The following MACROD2 variants were observed in gnomAD, a reference collection of about 807,000 sequenced individuals.
The protein encoded by MACROD2 is mono-ADP ribosylhydrolase 2, also known as ADP-ribose glycohydrolase MACROD2.
MACROD2 carries 36 observed loss-of-function variants against 70.4 expected under a neutral mutation model. The observed-to-expected ratio is 0.51, with a 90% CI of 0.39 to 0.68. The LOEUF is 0.68. MACROD2 is among the 30% of genes least tolerant of loss of function. The pLI is 0.00. For synonymous variants in MACROD2, 172 were observed against 178.8 expected, an observed-to-expected ratio of 0.96 and a Z score of 0.30; for missense variants, 496 against 538.4, an observed-to-expected ratio of 0.92 and a Z score of 0.78.
chr20:14,327,991 A>G (rs1279394296), intron 3 of MACROD2, among the ~76,000 whole-genome samples: 5 of 152,060 alleles, frequency 3.3e-5, no homozygotes, highest in African/African-American at 1.2e-4. Flanking sequence ...TGTTATCAAA[A>G]AACCACACAT....
In MACROD2 at chr20:14,321,119, C is replaced by T. The variant is rs548579622; in HGVS notation, c.272-172360C>T. ...GTGGCTCACGCTTGTAATCCCAGCA[C>T]TTTGGGAGGCTGAGGTGGGTGGATC... On this transcript the variant is annotated intron_variant, in intron 3 of 17. Coordinates refer to ENST00000684519, the MANE Select transcript of MACROD2 (RefSeq NM_001351661.2). Among the ~76,000 whole-genome samples, 62 of 152,122 alleles carry T rather than the reference C, an allele frequency of 4.1e-4. 1 individual carries two copies. In the South Asian group the frequency reaches 0.012, roughly 30 times the overall value.
intron 6 of MACROD2, among the ~76,000 whole-genome samples, chr20:15,409,281 ACTT>A (rs2046045556): frequency 6.6e-6 from 1 of 152,144 alleles, no homozygotes; most frequent in Non-Finnish European, 1.5e-5. Context: ...TGACTACTCT[ACTT>A]CTTTGCCTTA....
intron 5 of MACROD2, among the ~76,000 whole-genome samples, chr20:14,793,838 GA>G (rs1489803839): frequency 6.6e-6 from 1 of 152,064 alleles, no homozygotes; most frequent in Non-Finnish European, 1.5e-5. Context: ...AAAAACAGTA[GA>G]AGATAGAAGA....
At chr20:15,749,645 T>G (rs1461242746) in intron 8 of MACROD2, among the ~76,000 whole-genome samples, 1 of 152,090 alleles carries the variant, frequency 6.6e-6, no homozygotes, top group African/African-American at 2.4e-5. Flanking sequence ...ATATAAACTT[T>G]CCCTGAAGGC....
intron 8 of MACROD2, among the ~76,000 whole-genome samples, chr20:15,542,478 C>T (rs565107281): frequency 6.6e-6 from 1 of 152,202 alleles, no homozygotes; most frequent in East Asian, 1.9e-4. Flanking sequence ...CCATAATAGC[C>T]ATCGATATTG....
intron 3 of MACROD2, among the ~76,000 whole-genome samples, chr20:14,379,953 G>T (rs1344013963): frequency 1.3e-5 from 2 of 151,958 alleles, no homozygotes; most frequent in Admixed American, 6.6e-5. Flanking sequence ...AATTCCTTTG[G>T]ATCTGTACCT....
chr20:15,811,039 T>C (rs2147087016), intron 8 of MACROD2, among the ~76,000 whole-genome samples: 1 of 150,702 alleles, frequency 6.6e-6, no homozygotes, highest in South Asian at 2.1e-4. Flanking sequence ...AAGGACTTCA[T>C]GTCTAAAACA....
intron 5 of MACROD2, among the ~76,000 whole-genome samples, chr20:15,026,454 G>A (rs1006872583): frequency 1.7e-4 from 26 of 151,230 alleles, no homozygotes; most frequent in Admixed American, 1.7e-3. Flanking sequence ...TGGGACTCAG[G>A]GTTTTACTTG....
chr20:14,762,925 G>A (rs778767667), intron 5 of MACROD2, among the ~76,000 whole-genome samples: 4 of 151,906 alleles, frequency 2.6e-5, no homozygotes, highest in African/African-American at 7.3e-5. Flanking sequence ...GCAAGATTCC[G>A]TCTCAAAAAA....
intron 6 of MACROD2, among the ~76,000 whole-genome samples, chr20:15,311,227 A>T (rs1317767920): frequency 6.6e-6 from 1 of 152,210 alleles, no homozygotes; most frequent in African/African-American, 2.4e-5. Context: ...AAAAGGCATA[A>T]TTTTTAAGAA....
At chr20:15,097,612 A>G (rs112886806) in intron 5 of MACROD2, among the ~76,000 whole-genome samples, 26 of 152,358 alleles carry the variant, frequency 1.7e-4, no homozygotes, top group African/African-American at 6.0e-4. Context: ...ATGGAGAAAT[A>G]GGATTGAGTT....
At chr20:15,976,286 T>C (rs567678424) in intron 13 of MACROD2, among the ~76,000 whole-genome samples, 1 of 152,370 alleles carries the variant, frequency 6.6e-6, no homozygotes, top group African/African-American at 2.4e-5. Context: ...GAAACAATCA[T>C]GTGATCTATT....
rs558298820 is a variant in MACROD2 at position 14,005,684 on chromosome 20, C to T, written c.163+3280C>T. Reference sequence around the variant, plus strand: ...GTGGCGCGATGTGGGCTCACTACAACCTCCACCTCCTGGCTTCAAGCAATT... The same window carrying T: ...GTGGCGCGATGTGGGCTCACTACAATCTCCACCTCCTGGCTTCAAGCAATT... On this transcript the variant is annotated intron_variant, in intron 2 of 17. Coordinates refer to ENST00000684519, the MANE Select transcript of MACROD2 (RefSeq NM_001351661.2). Among the ~76,000 whole-genome samples the T allele has an allele frequency of 1.7e-3, 259 of 152,076 alleles. 1 individual carries two copies. The highest frequency in any genetic ancestry group is 6.8e-3 in the Middle Eastern group (2 of 294).
rs575994488 is a variant in MACROD2, at chr20:14,076,212, C to T, written c.164-9409C>T. ...TATGTTATATATATGTGATATTTTTCTACCTAAGGATAGTATTACCAGCAT... is the reference window on the plus strand; with the variant it reads ...TATGTTATATATATGTGATATTTTTTTACCTAAGGATAGTATTACCAGCAT... On this transcript the variant is annotated intron_variant, in intron 2 of 17. Transcript: ENST00000684519. 7.6e-4 allele frequency among the ~76,000 whole-genome samples: 115 copies of T among 152,082 alleles called. 4 individuals are homozygous for T. Among genetic ancestry groups the T allele is most frequent in the Non-Finnish European group, 7.2e-4 (49 of 68,018 alleles).
At chr20:15,657,595 C>T (rs569077650) in intron 8 of MACROD2, among the ~76,000 whole-genome samples, 2 of 152,170 alleles carry the variant, frequency 1.3e-5, no homozygotes, top group South Asian at 4.2e-4. Flanking sequence ...ATGTGAAGAT[C>T]AAAATTTATA....
At chr20:14,515,089 A>G (rs960256935) in intron 4 of MACROD2, among the ~76,000 whole-genome samples, 1 of 152,132 alleles carries the variant, frequency 6.6e-6, no homozygotes, top group South Asian at 2.1e-4. Context: ...AGAGCATTCA[A>G]AAGTATTCTG....
chr20:14,934,535 C>A (rs2074323878), intron 5 of MACROD2, among the ~76,000 whole-genome samples: 1 of 152,122 alleles, frequency 6.6e-6, no homozygotes, highest in Non-Finnish European at 1.5e-5. Flanking sequence ...GCCTATAATC[C>A]CAGCACTTTG....
At chr20:15,529,811 A>C (rs1430917538) in intron 8 of MACROD2, among the ~76,000 whole-genome samples, 1 of 152,304 alleles carries the variant, frequency 6.6e-6, no homozygotes, top group East Asian at 1.9e-4. Flanking sequence ...TTAAAGTTAA[A>C]TTTAGGAGTT....
At chr20:14,324,089 G>C (rs1300246471) in intron 3 of MACROD2, 1 of 152,524 alleles carries the variant, frequency 6.6e-6, no homozygotes, top group Non-Finnish European at 1.5e-5. Context: ...TTGCTACTTA[G>C]TGATAGTAAC....
Sources: gnomAD v4.1 joint callset for allele counts (sites outside exome capture counted in the v4.1 genomes callset) on GRCh38, gnomAD v4.1.1 for gene constraint, MANE v1.5 for transcripts, NCBI Gene and HGNC (gene_info 2026-07-23, HGNC 2026-07-21) for gene names.